Variants in PCDH7 observed in about 807,000 individuals in gnomAD.
The protein encoded by PCDH7 is protocadherin 7.
PCDH7 carries 17 observed loss-of-function variants against 58.9 expected under a neutral mutation model. The ratio of observed to expected loss-of-function variants is 0.29; its 90% CI spans 0.20 to 0.43. The LOEUF (loss-of-function observed/expected upper bound fraction) is 0.43, where lower values mean the gene tolerates loss of function less well. PCDH7 is among the 20% of genes least tolerant of loss of function. The probability of loss-of-function intolerance (pLI) is 1.00; values close to 1 mark genes in which losing one functional copy is unlikely to be tolerated. For synonymous variants in PCDH7, 664 were observed against 616.4 expected (o/e 1.08, Z -1.14); for missense variants, 1,274 against 1,441.0 (o/e 0.88, Z 1.88).
At chr4:30,802,718 A>G (rs913076995) in intron 1 of PCDH7, among the ~76,000 whole-genome samples, 2 of 151,708 alleles carry the variant, frequency 1.3e-5, no homozygotes, top group African/African-American at 2.4e-5. Flanking sequence ...GGGAATGAGG[A>G]TAAGGGTGGG....
At chr4:30,956,066 T>C (rs1173978074) in intron 3 of PCDH7, among the ~76,000 whole-genome samples, 1 of 150,188 alleles carries the variant, frequency 6.7e-6, no homozygotes, top group Admixed American at 6.6e-5. Flanking sequence ...AAAAAACAAT[T>C]AGCCAGGCAA....
intron 1 of PCDH7, among the ~76,000 whole-genome samples, chr4:30,868,323 A>G (rs1735129619): frequency 6.6e-6 from 1 of 152,124 alleles, no homozygotes; most frequent in Non-Finnish European, 1.5e-5. Flanking sequence ...CTAGCATCAT[A>G]CAAAATGGTA....
At chr4:31,023,326 G>T (rs772657944) in intron 3 of PCDH7, among the ~76,000 whole-genome samples, 2 of 152,142 alleles carry the variant, frequency 1.3e-5, no homozygotes, top group Non-Finnish European at 2.9e-5. Flanking sequence ...ACTCAGATGA[G>T]GCTCCTGCGT....
chr4:30,945,197 T>A (rs1746525329), intron 2 of PCDH7, among the ~76,000 whole-genome samples: 1 of 152,070 alleles, frequency 6.6e-6, no homozygotes, highest in Non-Finnish European at 1.5e-5. Context: ...TACTCTAGAT[T>A]TAAGAAATTT....
chr4:30,845,410 A>G (rs1020577327), intron 1 of PCDH7, among the ~76,000 whole-genome samples: 2 of 152,158 alleles, frequency 1.3e-5, no homozygotes, highest in African/African-American at 4.8e-5. Context: ...TAACTTGTGG[A>G]GTTGAAGTTC....
At chr4:30,762,267 C>T in intron 1 of PCDH7, among the ~76,000 whole-genome samples, 1 of 151,724 alleles carries the variant, frequency 6.6e-6, no homozygotes. Context: ...GCATTTTTTC[C>T]CCTGAGGCAA....
At chr4:31,111,700 T>C (rs1476082620) in intron 3 of PCDH7, among the ~76,000 whole-genome samples, 1 of 152,172 alleles carries the variant, frequency 6.6e-6, no homozygotes, top group Admixed American at 6.5e-5. Flanking sequence ...TTGTAGACAC[T>C]CTAAGAACAA....
chr4:31,128,123 A>G (rs930690533), intron 3 of PCDH7, among the ~76,000 whole-genome samples: 2 of 151,562 alleles, frequency 1.3e-5, no homozygotes, highest in East Asian at 3.9e-4. Context: ...ATACACATAT[A>G]TATGTATGCA....
chr4:30,847,728 AC>A (rs1259531773), intron 1 of PCDH7, among the ~76,000 whole-genome samples: 2 of 152,174 alleles, frequency 1.3e-5, no homozygotes, highest in African/African-American at 4.8e-5. Flanking sequence ...AGTGTTATAA[AC>A]AAATTGCAGT....
At chr4:30,849,232 C>T (rs551784104) in intron 1 of PCDH7, among the ~76,000 whole-genome samples, 5 of 152,168 alleles carry the variant, frequency 3.3e-5, no homozygotes, top group Non-Finnish European at 7.4e-5. Flanking sequence ...GAACACTGAC[C>T]TCCCTCTCCC....
chr4:31,014,319 A>T (rs1753442510), intron 3 of PCDH7, among the ~76,000 whole-genome samples: 1 of 152,220 alleles, frequency 6.6e-6, no homozygotes, highest in Non-Finnish European at 1.5e-5. Flanking sequence ...ATGATGAAAT[A>T]TACTTGACTT....
chr4:30,828,852 T>G (rs975689858), intron 1 of PCDH7, among the ~76,000 whole-genome samples: 2 of 152,042 alleles, frequency 1.3e-5, no homozygotes, highest in African/African-American at 4.8e-5. Context: ...TTGTTGTTGT[T>G]GTTAAACCCA....
At chr4:31,130,560 A>G (rs932755306) in intron 3 of PCDH7, among the ~76,000 whole-genome samples, 3 of 152,220 alleles carry the variant, frequency 2.0e-5, no homozygotes, top group African/African-American at 7.2e-5. Flanking sequence ...AACAATAACT[A>G]CAAACTTAGA....
intron 1 of PCDH7, among the ~76,000 whole-genome samples, chr4:30,902,390 A>T (rs1455775788): frequency 1.3e-5 from 2 of 151,972 alleles, no homozygotes; most frequent in Non-Finnish European, 2.9e-5. Context: ...GTTGTCATTT[A>T]AAAAAAACTG....
chr4:30,925,363 A>G (rs1034325920), intron 2 of PCDH7, among the ~76,000 whole-genome samples: 1 of 152,154 alleles, frequency 6.6e-6, no homozygotes, highest in Admixed American at 6.6e-5. Flanking sequence ...TCAAGCAGGC[A>G]TCTGTCAGGC....
intron 3 of PCDH7, among the ~76,000 whole-genome samples, chr4:30,970,784 A>G (rs961093097): frequency 1.3e-5 from 2 of 152,220 alleles, no homozygotes; most frequent in Non-Finnish European, 2.9e-5. Flanking sequence ...TATTTTCTGT[A>G]GCTACAGAGC....
intron 1 of PCDH7, among the ~76,000 whole-genome samples, chr4:30,824,101 TTC>T (rs1335181037): frequency 2.3e-5 from 3 of 128,658 alleles, no homozygotes; most frequent in African/African-American, 8.9e-5. Flanking sequence ...CTTTCTTTCT[TTC>T]TTTCTTTCTT....
chr4:30,949,392 C>T (rs1747098023), intron 2 of PCDH7, among the ~76,000 whole-genome samples: 1 of 152,002 alleles, frequency 6.6e-6, no homozygotes, highest in Admixed American at 6.6e-5. Flanking sequence ...ATTAAAACAA[C>T]TAATCTTTAT....
intron 1 of PCDH7, among the ~76,000 whole-genome samples, chr4:30,796,230 G>A (rs1281728346): frequency 6.6e-6 from 1 of 152,066 alleles, no homozygotes; most frequent in African/African-American, 2.4e-5. Context: ...TTATTAACTG[G>A]TTTTTCAAAG....
Sources: allele counts gnomAD v4.1 joint callset (sites outside exome capture counted in the v4.1 genomes callset), GRCh38; gene constraint gnomAD v4.1.1; transcripts MANE v1.5; gene names NCBI Gene and HGNC (gene_info 2026-07-23, HGNC 2026-07-21).